The following ATXN1 variants were observed in gnomAD, a reference collection of about 807,000 sequenced individuals.
ATXN1 encodes the protein ataxin 1, also known as ataxin-1.
Under a neutral mutation model 56.4 loss-of-function variants are expected in ATXN1, and 8 were observed. That is an observed-to-expected ratio of 0.14 (90% CI 0.08 to 0.26). ATXN1 has a LOEUF of 0.26. ATXN1 is among the 10% of genes least tolerant of loss of function. The pLI is 1.00. For synonymous variants in ATXN1, 514 were observed against 494.6 expected, an observed-to-expected ratio of 1.04 and a Z score of -0.52; for missense variants, 987 against 1,106.5, an observed-to-expected ratio of 0.89 and a Z score of 1.53.
chr6:16,758,972 T>G (rs867985767), intron 1 of ATXN1, among the ~76,000 whole-genome samples: 30 of 152,160 alleles, frequency 2.0e-4, no homozygotes, highest in African/African-American at 7.0e-4. Flanking sequence ...TCCTCAGACA[T>G]AAGCTTCACT....
intron 2 of ATXN1, among the ~76,000 whole-genome samples, chr6:16,671,183 T>C (rs1476522276): frequency 6.6e-6 from 1 of 152,178 alleles, no homozygotes; most frequent in Non-Finnish European, 1.5e-5. Context: ...ACTGAGTAGG[T>C]TCTTTAGAAA....
At chr6:16,733,701 G>C (rs1160510711) in intron 2 of ATXN1, among the ~76,000 whole-genome samples, 1 of 152,188 alleles carries the variant, frequency 6.6e-6, no homozygotes, top group Non-Finnish European at 1.5e-5. Flanking sequence ...TACAAAATTA[G>C]CTGGGTGTGG....
At chr6:16,512,008 C>G (rs548022702) in intron 5 of ATXN1, among the ~76,000 whole-genome samples, 1 of 152,216 alleles carries the variant, frequency 6.6e-6, no homozygotes, top group Non-Finnish European at 1.5e-5. Context: ...TCTCCTCAAA[C>G]GGTCCCTCTA....
intron 6 of ATXN1, among the ~76,000 whole-genome samples, chr6:16,462,809 C>T (rs750779311): frequency 6.6e-6 from 1 of 152,132 alleles, no homozygotes; most frequent in Non-Finnish European, 1.5e-5. Context: ...ACTTCAAGCC[C>T]CAAATGATCA....
At chr6:16,434,093 A>G (rs550580970) in intron 6 of ATXN1, among the ~76,000 whole-genome samples, 1 of 152,196 alleles carries the variant, frequency 6.6e-6, no homozygotes, top group South Asian at 2.1e-4. Context: ...TGGCATTTAT[A>G]ATATTTGTGG....
chr6:16,689,510 C>CTTTTTTTTTTTTTT (rs371753662), intron 2 of ATXN1, among the ~76,000 whole-genome samples: 4 of 126,868 alleles, frequency 3.2e-5, no homozygotes, highest in African/African-American at 8.6e-5. Flanking sequence ...CTTTTTTTTT[C>CTTTTTTTTTTTTTT]TTTTTTTTTT....
intron 3 of ATXN1, among the ~76,000 whole-genome samples, chr6:16,617,238 A>T (rs948484148): frequency 6.6e-6 from 1 of 152,206 alleles, no homozygotes; most frequent in Admixed American, 6.5e-5. Context: ...ATTACTAAAA[A>T]ACTAAAGGAA....
chr6:16,669,168 A>G (rs899912501), intron 2 of ATXN1, among the ~76,000 whole-genome samples: 5 of 152,248 alleles, frequency 3.3e-5, no homozygotes, highest in Non-Finnish European at 7.3e-5. Context: ...AACATGGCTA[A>G]GAGCAGACTG....
intron 3 of ATXN1, chr6:16,652,935 G>A (rs569518947): frequency 1.3e-5 from 2 of 152,254 alleles, no homozygotes; most frequent in South Asian, 2.1e-4. Flanking sequence ...GGGCTTGAAG[G>A]TGCTTGCTTT....
rs779170808 is a variant in ATXN1, at chr6:16,328,154, G to C, written c.157C>G (p.Arg53Gly). 2 of 1,583,968 alleles carry C rather than the reference G, an allele frequency of 1.3e-6. No individual in the cohort carries two copies. Among genetic ancestry groups the C allele is most frequent in the East Asian group, 4.5e-5 (2 of 44,454 alleles). Residue 53 changes from arginine to glycine, a missense_variant, in exon 7 of 8, where the codon CGG (arginine) becomes GGG (glycine). Arg to Gly is a moderately radical substitution (Grantham distance 125). Coordinates refer to ENST00000436367, the MANE Select transcript of ATXN1 (RefSeq NM_001128164.2). The surrounding 1 kb of genome is among the most constrained non-coding windows in gnomAD (Gnocchi z 6.2). ...TAWLPGNPGG[R>G]GHGGGRHGPA... Reference sequence around the variant, plus strand: ...CCATGCCTCCCGCCCCCGTGGCCCCGGCCACCAGGGTTGCCCGGGAGCCAT... The same window carrying C: ...CCATGCCTCCCGCCCCCGTGGCCCCCGCCACCAGGGTTGCCCGGGAGCCAT...
chr6:16,520,249 A>G (rs1761261264), intron 5 of ATXN1, among the ~76,000 whole-genome samples: 5 of 152,184 alleles, frequency 3.3e-5, no homozygotes, highest in Admixed American at 3.3e-4. Flanking sequence ...ACGTTTTACA[A>G]GGTATATATG....
At chr6:16,421,784 G>A (rs1286164815) in intron 6 of ATXN1, among the ~76,000 whole-genome samples, 2 of 152,154 alleles carry the variant, frequency 1.3e-5, no homozygotes, top group Admixed American at 6.5e-5. Flanking sequence ...ATGTGCAGGC[G>A]TTGATATGCA....
intron 4 of ATXN1, among the ~76,000 whole-genome samples, chr6:16,535,425 A>G (rs1454984758): frequency 6.6e-6 from 1 of 152,166 alleles, no homozygotes; most frequent in Non-Finnish European, 1.5e-5. Context: ...GGGCATATAA[A>G]AGGGGGACAA....
In ATXN1 at chr6:16,760,299, G is replaced by A. The variant is rs1463553038; in HGVS notation, c.-730+999C>T. The stretch of plus-strand genomic sequence containing the variant: ...GGCTTCATTCACCCTCCCAGCAGCC[G>A]CGCAGCCGTTCACTCCCGGCTCAGG... On this transcript the variant is annotated intron_variant, in intron 1 of 7. Coordinates refer to ENST00000436367, the MANE Select transcript of ATXN1 (RefSeq NM_001128164.2). The surrounding 1 kb of genome is among the most constrained non-coding windows in gnomAD (Gnocchi z 5.3). Among the ~76,000 whole-genome samples the A allele has an allele frequency of 6.6e-6, 1 of 151,910 alleles. No homozygotes were observed. Among genetic ancestry groups the A allele is most frequent in the African/African-American group, 2.4e-5 (1 of 41,400 alleles).
At chr6:16,563,612 C>T (rs1190692063) in intron 4 of ATXN1, among the ~76,000 whole-genome samples, 1 of 151,858 alleles carries the variant, frequency 6.6e-6, no homozygotes, top group African/African-American at 2.4e-5. Flanking sequence ...ACTACAGAGT[C>T]TGAGATTTTA....
At chr6:16,576,754 A>C (rs1477568012) in intron 4 of ATXN1, among the ~76,000 whole-genome samples, 1 of 152,210 alleles carries the variant, frequency 6.6e-6, no homozygotes, top group African/African-American at 2.4e-5. Context: ...ATATTCATGA[A>C]TGCACATACA....
intron 2 of ATXN1, among the ~76,000 whole-genome samples, chr6:16,696,755 G>A (rs1759173858): frequency 6.6e-6 from 1 of 152,162 alleles, no homozygotes. Context: ...CTACTGGTTA[G>A]TGCTGTCATA....
chr6:16,350,724 T>C (rs1761547669), intron 6 of ATXN1, among the ~76,000 whole-genome samples: 1 of 152,146 alleles, frequency 6.6e-6, no homozygotes. Context: ...TGTCCCTATT[T>C]GTGGGGAGGG....
intron 6 of ATXN1, among the ~76,000 whole-genome samples, chr6:16,376,545 A>G (rs1453898452): frequency 6.6e-6 from 1 of 152,188 alleles, no homozygotes; most frequent in Non-Finnish European, 1.5e-5. Flanking sequence ...GGGCCTGTGG[A>G]GGTGGGAAAA....
Sources: gnomAD v4.1 joint callset for allele counts (sites outside exome capture counted in the v4.1 genomes callset) on GRCh38, gnomAD v4.1.1 for gene constraint, Gnocchi (gnomAD v3.1) non-coding constraint, MANE v1.5 for transcripts, NCBI Gene and HGNC (gene_info 2026-07-23, HGNC 2026-07-21) for gene names.